PRSS33: variants seen among roughly 807,000 people sequenced by gnomAD.
PRSS33 encodes the protein serine protease 33, also known as protease, serine 33.
In PRSS33, 32 loss-of-function variants were observed where a neutral mutation model predicts 26.7. The ratio of observed to expected loss-of-function variants is 1.20; its 90% CI spans 0.90 to 1.61. The LOEUF (loss-of-function observed/expected upper bound fraction) is 1.61. PRSS33 is among the 40% of genes most tolerant of loss of function. The probability of loss-of-function intolerance (pLI) is 0.00; values close to 1 mark genes in which losing one functional copy is unlikely to be tolerated. For synonymous variants in PRSS33, 192 were observed against 177.6 expected (o/e 1.08, Z -0.64); for missense variants, 450 against 396.3 (o/e 1.14, Z -1.15).
Position 2,785,573 on chromosome 16 carries a change from A to T in PRSS33, c.316T>A (p.Ser106Thr). The change falls in exon 5 of 7, where the codon TCG becomes ACG. Residue 106 changes from serine (S) to threonine (T), a missense_variant. By Grantham distance (58) the Ser-to-Thr change is moderately conservative. Coordinates refer to ENST00000682474, the MANE Select transcript of PRSS33 (RefSeq NM_152891.3). ...RLGSTSPRTL[S>T]VPVRRVLLPP... The stretch of plus-strand genomic sequence containing the variant: ...AGCAGCACCCGTCGCACGGGCACCG[A>T]GAGCGTGCGGGGCGAGGTGGAGCCC... The T allele has an allele frequency of 6.6e-6, 10 of 1,526,356 alleles. No homozygotes were observed. Among genetic ancestry groups the T allele is most frequent in the Non-Finnish European group, 7.9e-6 (9 of 1,143,818 alleles). The allele number at this position is 1,526,356 out of a possible 1,614,324, so 94.6% of individuals were successfully genotyped here.
At position 2,786,618 on chromosome 16, in the gene PRSS33, GGAGAA is replaced by G. The variant is rs2068877206; in HGVS notation, c.-57-19_-57-15del. On this transcript the variant is annotated splice_polypyrimidine_tract_variant and intron_variant, in intron 1 of 6. Transcript: ENST00000682474. Reference sequence around the variant, plus strand: ...TTGGACTCTGGTCTGGAGCCAGCAGGGAGAAGAGAGGAGAGTCCTGGCCCAGGGGC... The same window carrying G: ...TTGGACTCTGGTCTGGAGCCAGCAGGGAGAGGAGAGTCCTGGCCCAGGGGC... 1 of 1,556,592 alleles carries G rather than the reference GGAGAA, an allele frequency of 6.4e-7. No individual in the cohort carries two copies. Among genetic ancestry groups the G allele is most frequent in the African/African-American group, 1.4e-5 (1 of 73,594 alleles).
Position 2,784,677 on chromosome 16 carries a change from A to G in PRSS33, c.810T>C (p.Tyr270=), listed in dbSNP as rs755018479. The change falls in exon 7 of 7, where the codon TAT becomes TAC. Residue 270 remains tyrosine (Y), a synonymous_variant. Transcript: ENST00000682474. ...TGACGCGAGCCTGAATCCAGGGGCT[A>G]TATGTGGCCACACTGGTGTAGACCC... is the stretch of plus-strand genomic sequence containing the variant. The part of the protein sequence containing the change: ...RPGVYTSVAT[Y]SPWIQARVSF 3 of 1,604,808 alleles carry G rather than the reference A, an allele frequency of 1.9e-6. No individual in the cohort carries two copies. The highest frequency in any genetic ancestry group is 1.7e-5 in the Admixed American group (1 of 59,254).
rs1314758284 is a variant in PRSS33, at chr16:2,786,097, T to G, written c.71A>C (p.Lys24Thr). The change falls in exon 3 of 7, where the codon AAG (lysine) becomes ACG (threonine). Residue 24 changes from lysine (K) to threonine (T), a missense_variant. Coordinates refer to ENST00000682474, the MANE Select transcript of PRSS33 (RefSeq NM_152891.3). ...VLGAAGTQGR[K>T]SAACGQPRMS... Reference sequence around the variant, plus strand: ...CTCCGAGGCTTCCTCACCTGCAGACTTCCTTCCCTGAGTCCCAGCAGCTCC... The same window carrying G: ...CTCCGAGGCTTCCTCACCTGCAGACGTCCTTCCCTGAGTCCCAGCAGCTCC... The G allele has an allele frequency of 1.9e-6, 3 of 1,613,520 alleles. No homozygotes were observed. Among genetic ancestry groups the G allele is most frequent in the Non-Finnish European group, 2.5e-6 (3 of 1,179,802 alleles).
chr16:2,784,914 T>G (rs2068854514), intron 6 of PRSS33, 88 bp downstream of exon 6: 2 of 1,531,522 alleles, frequency 1.3e-6, no homozygotes, highest in African/African-American at 2.7e-5. Flanking sequence ...TGAGCCTGAG[T>G]TGGGATGTCC....
chr16:2,784,823 T>A, intron 6 of PRSS33, 21 bp from the exon 7 acceptor site: 1 of 1,591,606 alleles, frequency 6.3e-7, no homozygotes, highest in South Asian at 1.1e-5. Context: ...AAGAGGAGCC[T>A]AAGTCCCAGC....
rs201350695 is a variant in PRSS33, at chr16:2,786,518, C to G, written c.30G>C (p.Leu10=). MRGVSCLQV[L]LLLVLGAAGT... ...CCCACTCACCCAGCACCAGAAGGAG[C>G]AGGACCTGGAGACAGGAAACCCCTC... The change falls in exon 2 of 7, where the codon CTG becomes CTC. Residue 10 remains leucine (L), a synonymous_variant. Coordinates refer to ENST00000682474, the MANE Select transcript of PRSS33 (RefSeq NM_152891.3). 2.5e-6 allele frequency: 4 copies of G among 1,613,464 alleles called. No homozygotes were observed. The highest frequency in any genetic ancestry group is 1.7e-5 in the Admixed American group (1 of 59,984).
At position 2,786,588 on chromosome 16, in the gene PRSS33, A is replaced by T. The variant is rs755499393; in HGVS notation, c.-41T>A. Reference sequence around the variant, plus strand: ...GGGCTGGGTAAGGGTGGCACTGCCTAGGGCTTGGACTCTGGTCTGGAGCCA... The same window carrying T: ...GGGCTGGGTAAGGGTGGCACTGCCTTGGGCTTGGACTCTGGTCTGGAGCCA... On this transcript the variant is annotated 5_prime_UTR_variant, in exon 2 of 7. Transcript: ENST00000682474. 5 of 1,610,278 alleles carry T rather than the reference A, an allele frequency of 3.1e-6. No individual in the cohort carries two copies. The highest frequency in any genetic ancestry group is 3.4e-6 in the Non-Finnish European group (4 of 1,177,906).
intron 3 of PRSS33, 61 bp from the exon 4 acceptor site, chr16:2,786,022 T>A: frequency 3.1e-6 from 5 of 1,611,712 alleles, no homozygotes; most frequent in Non-Finnish European, 4.2e-6. Flanking sequence ...GAGGCAGGTG[T>A]TGGTGGGGAG....
At chr16:2,785,683 G>C (rs963214669) in intron 4 of PRSS33, 37 bp from the exon 5 acceptor site, 8 of 1,467,400 alleles carry the variant, frequency 5.5e-6, no homozygotes, top group Non-Finnish European at 7.2e-6. Flanking sequence ...TCCAGCACCG[G>C]GTCCTCGACC....
At chr16:2,787,787 C>G (rs1007883644), upstream of PRSS33, 1 of 152,408 alleles carries the variant, frequency 6.6e-6, no homozygotes, top group Non-Finnish European at 1.5e-5. Context: ...AGCAGTGGTG[C>G]GGGTAGGTGC....
chr16:2,785,113 G>A lies in PRSS33; in HGVS notation c.573C>T (p.Arg191=). The A allele has an allele frequency of 6.5e-7, 1 of 1,548,818 alleles. No individual in the cohort carries two copies. Among genetic ancestry groups the A allele is most frequent in the Admixed American group, 1.9e-5 (1 of 51,362 alleles). Residue 191 remains arginine (R), a synonymous_variant, in exon 6 of 7, where the codon CGC becomes CGT. Coordinates refer to ENST00000682474, the MANE Select transcript of PRSS33 (RefSeq NM_152891.3). ...QGVRVPLLDS[R]TCDGLYHVGA... is the part of the protein sequence containing the mutation. ...CCACGTGGTAGAGGCCGTCGCAGGT[G>A]CGCGAGTCCAGCAGCGGCACCCTTA...
chr16:2,785,239 TGA>T, intron 5 of PRSS33, 68 bp from the exon 6 acceptor site: 1 of 1,463,916 alleles, frequency 6.8e-7, no homozygotes, highest in African/African-American at 1.4e-5. Flanking sequence ...AGCTGAGCTC[TGA>T]GTGAGAGGAG....
chr16:2,786,198 G>A, intron 2 of PRSS33, 77 bp from the exon 3 acceptor site: 1 of 1,288,076 alleles, frequency 7.8e-7, no homozygotes, highest in Middle Eastern at 1.8e-4. Context: ...GGCCAGAGAT[G>A]AGGAAGGAGG....
At chr16:2,785,223 G>T in intron 5 of PRSS33, 52 bp from the exon 6 acceptor site, 1 of 1,486,028 alleles carries the variant, frequency 6.7e-7, no homozygotes, top group Non-Finnish European at 9.0e-7. Context: ...GGGGGCCAGT[G>T]GGAGAAGCTG....
In PRSS33 at chr16:2,785,632, G is replaced by A; in HGVS notation, c.257C>T (p.Ala86Val). The A allele has an allele frequency of 6.7e-7, 1 of 1,497,520 alleles. No individual in the cohort carries two copies. Among genetic ancestry groups the A allele is most frequent in the East Asian group, 2.5e-5 (1 of 39,900 alleles). 92.8% of individuals were successfully genotyped at this position (1,497,520 alleles called of 1,614,324 possible). The change falls in exon 5 of 7, where the codon GCT (alanine) becomes GTT (valine). Residue 86 changes from alanine to valine, a missense_variant. Transcript: ENST00000682474. ...CGCCCCCAGGCGCACGCGGTACTCA[G>A]CTGGCAGTGCCCTCCTGCAGGACAG... is the stretch of plus-strand genomic sequence containing the variant. ...AHCFPRRALPAEYRVRLGALR... is the reference protein window; with the variant it reads ...AHCFPRRALPVEYRVRLGALR...
intron 5 of PRSS33, 100 bp from the exon 6 acceptor site, chr16:2,785,271 G>A (rs778240819): frequency 1.5e-4 from 211 of 1,447,936 alleles, no homozygotes; most frequent in Non-Finnish European, 1.4e-4. Context: ...CCTAGAAGCC[G>A]CGCTGGGTCC....
intron 3 of PRSS33, 24 bp downstream of exon 3, chr16:2,786,065 G>C: frequency 1.2e-6 from 2 of 1,613,036 alleles, no homozygotes; most frequent in Non-Finnish European, 1.7e-6. Flanking sequence ...GGGCTGACTC[G>C]GGTGGACTCC....
At chr16:2,785,748 C>T (rs370910260) in intron 4 of PRSS33, 51 bp downstream of exon 4, 3 of 1,519,646 alleles carry the variant, frequency 2.0e-6, no homozygotes, top group South Asian at 1.3e-5. Context: ...CGGTCCTCTG[C>T]GGGCCTTGCC....
At position 2,784,753 on chromosome 16, in the gene PRSS33, A is replaced by G; in HGVS notation, c.734T>C (p.Leu245Pro). Residue 245 changes from leucine (L) to proline (P), a missense_variant, in exon 7 of 7, where the codon CTG becomes CCG. Transcript: ENST00000682474. ...LTCLQSGSWVLVGVVSWGKGC... is the reference protein window; with the variant it reads ...LTCLQSGSWVPVGVVSWGKGC... The stretch of plus-strand genomic sequence containing the variant: ...CTTGCCCCAGCTCACCACGCCCACC[A>G]GGACCCAGCTCCCAGACTGCAGGCA... 6.2e-7 allele frequency: 1 copy of G among 1,609,048 alleles called. No individual in the cohort carries two copies. The highest frequency in any genetic ancestry group is 8.5e-7 in the Non-Finnish European group (1 of 1,177,962).
Sources: allele counts gnomAD v4.1 joint callset, GRCh38; gene constraint gnomAD v4.1.1; transcripts MANE v1.5; gene names NCBI Gene and HGNC (gene_info 2026-07-23, HGNC 2026-07-21).